Variants in DLG2 observed in about 807,000 individuals in gnomAD.
DLG2 encodes discs large MAGUK scaffold protein 2.
Under a neutral mutation model 132.5 loss-of-function variants are expected in DLG2, and 45 were observed. The observed-to-expected ratio is 0.34, with a 90% confidence interval of 0.27 to 0.44. DLG2 has a LOEUF of 0.44. Ranked by LOEUF, DLG2 falls within the 20% of genes least tolerant of loss-of-function variation. DLG2 has a pLI of 1.00. For synonymous variants in DLG2, 424 were observed against 419.6 expected (o/e 1.01, Z -0.13); for missense variants, 1,045 against 1,196.9 (o/e 0.87, Z 1.87).
intron 6 of DLG2, among the ~76,000 whole-genome samples, chr11:84,568,868 C>T (rs1010078117): frequency 6.6e-6 from 1 of 152,204 alleles, no homozygotes; most frequent in Non-Finnish European, 1.5e-5. Flanking sequence ...CGTGGCTCCA[C>T]CTGACTGGGA....
At chr11:83,678,901 T>C (rs981918995) in intron 18 of DLG2, among the ~76,000 whole-genome samples, 1 of 152,200 alleles carries the variant, frequency 6.6e-6, no homozygotes. Flanking sequence ...CAGGAAAATG[T>C]GATCTTAACT....
chr11:83,663,294 A>G (rs1165095798), intron 18 of DLG2, among the ~76,000 whole-genome samples: 1 of 152,138 alleles, frequency 6.6e-6, no homozygotes, highest in African/African-American at 2.4e-5. Flanking sequence ...CTAATTCCCA[A>G]TGTGCTTTTG....
intron 6 of DLG2, among the ~76,000 whole-genome samples, chr11:84,984,436 G>A (rs896780243): frequency 6.6e-6 from 1 of 152,134 alleles, no homozygotes; most frequent in Non-Finnish European, 1.5e-5. Flanking sequence ...AATGCTGAGA[G>A]AATTTACCAC....
At chr11:84,032,706 T>C (rs1311565426) in intron 11 of DLG2, among the ~76,000 whole-genome samples, 1 of 152,160 alleles carries the variant, frequency 6.6e-6, no homozygotes, top group Non-Finnish European at 1.5e-5. Context: ...GAAGATGACA[T>C]TTAGGACTTT....
At chr11:85,436,549 A>C (rs1251525432) in intron 3 of DLG2, among the ~76,000 whole-genome samples, 1 of 152,216 alleles carries the variant, frequency 6.6e-6, no homozygotes, top group African/African-American at 2.4e-5. Context: ...GCCAACAAAC[A>C]TGAAAAAAAC....
chr11:85,563,961 T>C (rs1430446899), intron 3 of DLG2, among the ~76,000 whole-genome samples: 5 of 152,142 alleles, frequency 3.3e-5, no homozygotes, highest in African/African-American at 1.2e-4. Context: ...ACATTTCGTA[T>C]AAGCTTTTTA....
intron 3 of DLG2, among the ~76,000 whole-genome samples, chr11:85,365,060 A>G (rs1050689232): frequency 6.6e-6 from 1 of 152,184 alleles, no homozygotes; most frequent in African/African-American, 2.4e-5. Flanking sequence ...GCCAAAAAAC[A>G]TGAAATAAGT....
intron 6 of DLG2, among the ~76,000 whole-genome samples, chr11:85,013,019 T>C (rs183105385): frequency 1.2e-3 from 188 of 152,334 alleles, no homozygotes; most frequent in African/African-American, 4.4e-3. Context: ...TCTTCTCATT[T>C]TCAGTGTGGA....
chr11:84,074,087 T>G (rs902709917), intron 10 of DLG2, among the ~76,000 whole-genome samples: 2 of 152,176 alleles, frequency 1.3e-5, no homozygotes, highest in Admixed American at 6.5e-5. Flanking sequence ...TTTTCAGCAT[T>G]TGTATAGTTC....
chr11:83,831,664 T>G (rs1028007541), intron 17 of DLG2, among the ~76,000 whole-genome samples: 10 of 152,158 alleles, frequency 6.6e-5, no homozygotes, highest in Admixed American at 5.2e-4. Context: ...TGAAAACAAA[T>G]TTTTCTAAAT....
intron 6 of DLG2, among the ~76,000 whole-genome samples, chr11:84,788,662 A>C (rs542164510): frequency 6.1e-4 from 93 of 152,294 alleles, no homozygotes; most frequent in Non-Finnish European, 1.1e-3. Context: ...TAAATAATAC[A>C]GTTAAAATTA....
At chr11:84,239,782 T>G (rs1287271804) in intron 8 of DLG2, among the ~76,000 whole-genome samples, 2 of 152,220 alleles carry the variant, frequency 1.3e-5, no homozygotes, top group Non-Finnish European at 2.9e-5. Flanking sequence ...AACAATACAG[T>G]GTTTTATATA....
chr11:84,806,041 A>C (rs550740676), intron 6 of DLG2, among the ~76,000 whole-genome samples: 3 of 152,336 alleles, frequency 2.0e-5, no homozygotes, highest in Non-Finnish European at 4.4e-5. Flanking sequence ...CGATAAATGA[A>C]ATACCATACA....
chr11:85,082,735 CTTTTTTTTTT>C (rs71036458), intron 6 of DLG2, among the ~76,000 whole-genome samples: 3 of 113,412 alleles, frequency 2.6e-5, no homozygotes, highest in Non-Finnish European at 3.6e-5. Flanking sequence ...TCTTTTCTTT[CTTTTTTTTTT>C]TTTTTTTTTT....
intron 6 of DLG2, among the ~76,000 whole-genome samples, chr11:84,858,957 A>C (rs1170988472): frequency 6.6e-6 from 1 of 152,044 alleles, no homozygotes; most frequent in Non-Finnish European, 1.5e-5. Context: ...CATTTCAGGC[A>C]CTTATTGTTT....
chr11:85,541,038 C>T (rs1297506106), intron 3 of DLG2, among the ~76,000 whole-genome samples: 1 of 152,246 alleles, frequency 6.6e-6, no homozygotes, highest in Non-Finnish European at 1.5e-5. Flanking sequence ...TCCTGGGCTG[C>T]AGTCATGCAA....
intron 4 of DLG2, among the ~76,000 whole-genome samples, chr11:85,238,248 T>C (rs1289874510): frequency 6.8e-6 from 1 of 146,904 alleles, no homozygotes; most frequent in Admixed American, 6.8e-5. Context: ...TTTATTTATT[T>C]ATTTATTTAT....
intron 15 of DLG2, among the ~76,000 whole-genome samples, chr11:83,914,906 C>A (rs990635259): frequency 2.6e-5 from 4 of 152,120 alleles, no homozygotes; most frequent in Non-Finnish European, 5.9e-5. Context: ...AGTTTAAAAT[C>A]AGATCTGTGG....
chr11:85,124,402 C>G (rs922865934), intron 5 of DLG2, among the ~76,000 whole-genome samples: 1 of 152,190 alleles, frequency 6.6e-6, no homozygotes, highest in Non-Finnish European at 1.5e-5. Context: ...AATAATTTCT[C>G]TCATCCTTTC....
Sources: gnomAD v4.1 joint callset for allele counts (sites outside exome capture counted in the v4.1 genomes callset) on GRCh38, gnomAD v4.1.1 for gene constraint, MANE v1.5 for transcripts, NCBI Gene and HGNC (gene_info 2026-07-23, HGNC 2026-07-21) for gene names.